Variants in EPHA6 observed in about 807,000 individuals in gnomAD.
EPHA6 encodes EPH receptor A6, also known as ephrin type-A receptor 6.
EPHA6 carries 50 observed loss-of-function variants against 112.0 expected under a neutral mutation model. That is an observed-to-expected ratio of 0.45 (90% CI 0.36 to 0.56). EPHA6 has a LOEUF of 0.56. Ranked by LOEUF, EPHA6 falls within the 20% of genes least tolerant of loss-of-function variation. EPHA6 has a pLI of 0.00. For missense variants in EPHA6, 1,280 were observed against 1,417.4 expected, an observed-to-expected ratio of 0.90 and a Z score of 1.56; for synonymous variants, 529 against 490.7, an observed-to-expected ratio of 1.08 and a Z score of -1.03.
intron 2 of EPHA6, among the ~76,000 whole-genome samples, chr3:96,948,108 C>T (rs1032448917): frequency 4.6e-5 from 7 of 151,978 alleles, no homozygotes; most frequent in Non-Finnish European, 1.0e-4. Flanking sequence ...GGATATTTTC[C>T]CCAACTATTT....
At chr3:97,102,872 A>T (rs1179773705) in intron 3 of EPHA6, among the ~76,000 whole-genome samples, 1 of 152,040 alleles carries the variant, frequency 6.6e-6, no homozygotes, top group African/African-American at 2.4e-5. Flanking sequence ...CATTTCTCTA[A>T]TGATCCATGA....
intron 7 of EPHA6, among the ~76,000 whole-genome samples, chr3:97,471,074 A>G (rs1450611565): frequency 6.6e-6 from 1 of 151,764 alleles, no homozygotes; most frequent in Non-Finnish European, 1.5e-5. Flanking sequence ...ACAAGTTTTC[A>G]TAACAGAGAC....
At chr3:97,083,852 A>T (rs796502042) in intron 3 of EPHA6, among the ~76,000 whole-genome samples, 16 of 151,806 alleles carry the variant, frequency 1.1e-4, no homozygotes, top group African/African-American at 3.6e-4. Flanking sequence ...TTAATGGAAA[A>T]ATGGGTAAAT....
intron 3 of EPHA6, among the ~76,000 whole-genome samples, chr3:97,106,833 G>A (rs2047584818): frequency 6.6e-6 from 1 of 152,086 alleles, no homozygotes; most frequent in Non-Finnish European, 1.5e-5. Flanking sequence ...GGGCACTGAA[G>A]GCAAGCTACA....
At chr3:96,944,328 T>G (rs771894147) in intron 2 of EPHA6, among the ~76,000 whole-genome samples, 9 of 152,150 alleles carry the variant, frequency 5.9e-5, no homozygotes, top group Admixed American at 5.9e-4. Context: ...TATTTCCCTT[T>G]TTTTTTTTCT....
chr3:97,117,107 T>C (rs1364148196), intron 3 of EPHA6, among the ~76,000 whole-genome samples: 2 of 151,702 alleles, frequency 1.3e-5, no homozygotes, highest in African/African-American at 4.8e-5. Context: ...CATATACCTA[T>C]TGGCCATTTG....
chr3:97,718,437 T>C (rs1372386677), intron 14 of EPHA6, among the ~76,000 whole-genome samples: 1 of 152,202 alleles, frequency 6.6e-6, no homozygotes, highest in Non-Finnish European at 1.5e-5. Flanking sequence ...TAAGTTTGAA[T>C]TGCAGATAAA....
rs542361523 is a variant in EPHA6, at chr3:97,065,854, G to T, written c.1114+77861G>T. On this transcript the variant is annotated intron_variant, in intron 3 of 17. Transcript: ENST00000389672. ...AACTCTCTAAAGTTTAATTTTTAAA[G>T]AAATATTTGTAAAAGCAACTTGATT... 1.3e-4 allele frequency among the ~76,000 whole-genome samples: 19 copies of T among 151,896 alleles called. 1 individual carries two copies. In the East Asian group the frequency reaches 2.3e-3, roughly 19 times the overall value.
chr3:97,619,445 G>GGGGC (rs2093795241), intron 13 of EPHA6, among the ~76,000 whole-genome samples: 1 of 137,802 alleles, frequency 7.3e-6, no homozygotes. Flanking sequence ...GGGGGGGGGG[G>GGGGC]CATCCAAATA....
At chr3:96,939,838 T>G (rs971905661) in intron 2 of EPHA6, among the ~76,000 whole-genome samples, 1 of 152,228 alleles carries the variant, frequency 6.6e-6, no homozygotes, top group Non-Finnish European at 1.5e-5. Context: ...ACATCTTTAT[T>G]TCTGCCTTCA....
chr3:97,158,350 C>T (rs1052504951), intron 3 of EPHA6, among the ~76,000 whole-genome samples: 1 of 152,100 alleles, frequency 6.6e-6, no homozygotes, highest in Non-Finnish European at 1.5e-5. Context: ...CTGTAACTGG[C>T]CACGTGGCCA....
chr3:97,112,125 ATAG>A (rs1268853051), intron 3 of EPHA6, among the ~76,000 whole-genome samples: 1 of 152,152 alleles, frequency 6.6e-6, no homozygotes, highest in Non-Finnish European at 1.5e-5. Flanking sequence ...TCATAAAGAT[ATAG>A]TATTCATTTA....
At chr3:97,060,482 A>G (rs7612669) in intron 3 of EPHA6, among the ~76,000 whole-genome samples, 21,784 of 152,146 alleles carry the variant, frequency 0.14, 2,730 homozygotes, top group African/African-American at 0.34. Context: ...TAGAAACACT[A>G]CTTTGTGGCT....
At chr3:97,387,354 C>A (rs2086133903) in intron 5 of EPHA6, among the ~76,000 whole-genome samples, 1 of 145,814 alleles carries the variant, frequency 6.9e-6, no homozygotes. Flanking sequence ...TGAGCATAAG[C>A]TTTTAGAAGC....
chr3:97,554,706 G>T (rs889908135), intron 11 of EPHA6, among the ~76,000 whole-genome samples: 2 of 151,916 alleles, frequency 1.3e-5, no homozygotes, highest in Non-Finnish European at 2.9e-5. Context: ...AACACTGCTT[G>T]CAGGTTACAT....
chr3:96,959,544 T>C (rs936082082), intron 2 of EPHA6, among the ~76,000 whole-genome samples: 40 of 152,280 alleles, frequency 2.6e-4, no homozygotes, highest in Middle Eastern at 3.4e-3. Flanking sequence ...GTTTTCCTTT[T>C]GATGTCATAT....
chr3:97,254,895 G>T (rs894761493), intron 5 of EPHA6, among the ~76,000 whole-genome samples: 4 of 152,104 alleles, frequency 2.6e-5, no homozygotes, highest in Non-Finnish European at 4.4e-5. Flanking sequence ...GGAGATAGAA[G>T]GTCACCATCC....
At chr3:97,098,454 G>T (rs2047309680) in intron 3 of EPHA6, among the ~76,000 whole-genome samples, 1 of 151,480 alleles carries the variant, frequency 6.6e-6, no homozygotes, top group Non-Finnish European at 1.5e-5. Flanking sequence ...ATCTGAATAG[G>T]CAACAGAATT....
At chr3:96,862,552 A>G (rs1476088945) in intron 1 of EPHA6, among the ~76,000 whole-genome samples, 1 of 151,956 alleles carries the variant, frequency 6.6e-6, no homozygotes, top group African/African-American at 2.4e-5. Flanking sequence ...TCCTAAAAGA[A>G]TAGCTACTTT....
Sources: allele counts gnomAD v4.1 joint callset (sites outside exome capture counted in the v4.1 genomes callset), GRCh38; gene constraint gnomAD v4.1.1; transcripts MANE v1.5; gene names NCBI Gene and HGNC (gene_info 2026-07-23, HGNC 2026-07-21).